Variants in CEP131 observed in about 807,000 individuals in gnomAD.
CEP131 encodes the protein centrosomal protein of 131 kDa.
A neutral mutation model predicts 136.8 loss-of-function variants in CEP131; 99 were observed. The observed-to-expected ratio is 0.72, with a 90% confidence interval of 0.62 to 0.86. The LOEUF is 0.86. Among genes scored for constraint, CEP131 ranks in the 40% least tolerant of loss-of-function variants. The pLI is 0.00. For synonymous variants in CEP131, 646 were observed against 612.7 expected (o/e 1.05, Z -0.80); for missense variants, 1,459 against 1,463.0 (o/e 1.00, Z 0.04).
intron 2 of CEP131, 92 bp from the exon 3 acceptor site, chr17:81,209,114 G>A (rs915775762): frequency 1.1e-6 from 1 of 937,356 alleles, no homozygotes; most frequent in Non-Finnish European, 1.6e-6. Context: ...CGCAGTCAGA[G>A]AACAGAGGGG....
rs1161100875 is a variant in CEP131, at chr17:81,208,644, A to G, written c.272+284T>C. On this transcript the variant is annotated intron_variant, in intron 3 of 25. Transcript: ENST00000450824. The surrounding 1 kb of genome is among the most constrained non-coding windows in gnomAD (Gnocchi z 5.6). ...TCAGAGGGCAGGTGGAAAGGGCTTC[A>G]GCGGAGCCCTCAGGCAGGGTCCCAG... is the stretch of plus-strand genomic sequence containing the variant. 5.3e-5 allele frequency among the ~76,000 whole-genome samples: 8 copies of G among 152,350 alleles called. No homozygotes were observed. Among genetic ancestry groups the G allele is most frequent in the Admixed American group, 2.0e-4 (3 of 15,310 alleles).
At chr17:81,210,559 A>T (rs972633018) in intron 2 of CEP131, among the ~76,000 whole-genome samples, 2 of 151,360 alleles carry the variant, frequency 1.3e-5, no homozygotes, top group African/African-American at 4.8e-5. Flanking sequence ...ACAGAGCGAG[A>T]CTCCGTCAAA....
intron 7 of CEP131, among the ~76,000 whole-genome samples, chr17:81,201,382 C>A (rs1387005971): frequency 1.3e-5 from 2 of 152,334 alleles, no homozygotes; most frequent in East Asian, 3.9e-4. Context: ...CAAGAAACGA[C>A]TGTCATGGTC....
chr17:81,205,195 G>C (rs2061976895), intron 5 of CEP131, among the ~76,000 whole-genome samples: 1 of 150,708 alleles, frequency 6.6e-6, no homozygotes, highest in Admixed American at 6.6e-5. Flanking sequence ...GGAAGCGGAG[G>C]TTGCGGTGAG....
At chr17:81,205,238 G>A (rs990031841) in intron 5 of CEP131, among the ~76,000 whole-genome samples, 47 of 151,704 alleles carry the variant, frequency 3.1e-4, no homozygotes, top group African/African-American at 7.5e-4. Context: ...TGGCTTGGGC[G>A]ACAGAGCGAG....
Position 81,207,136 on chromosome 17 carries a change from A to C in CEP131, c.376T>G (p.Trp126Gly). ...STAPSEKGAT[W>G]NVLDDQPRGF... ...ATGCACCACCTTACCAGGACGTTCC[A>C]GGTGGCTCCCTTCTCGCTGGGGGCT... Residue 126 changes from tryptophan to glycine, a missense_variant, in exon 4 of 26, where the codon TGG (tryptophan) becomes GGG (glycine). Trp to Gly is a radical substitution (Grantham distance 184). Transcript: ENST00000450824. The C allele has an allele frequency of 6.2e-7, 1 of 1,612,736 alleles. No individual in the cohort carries two copies. The highest frequency in any genetic ancestry group is 8.5e-7 in the Non-Finnish European group (1 of 1,179,656).
intron 17 of CEP131, 76 bp from the exon 18 acceptor site, chr17:81,194,203 C>A: frequency 7.3e-7 from 1 of 1,364,526 alleles, no homozygotes; most frequent in Non-Finnish European, 9.7e-7. Context: ...ACAAGACCAG[C>A]CTGTCTCAGG....
At chr17:81,210,676 C>G (rs184571730) in intron 2 of CEP131, among the ~76,000 whole-genome samples, 114 of 152,260 alleles carry the variant, frequency 7.5e-4, no homozygotes, top group Admixed American at 6.8e-3. Context: ...GATGCCACGG[C>G]GACCAGTGAT....
chr17:81,194,252 C>A, intron 17 of CEP131, 125 bp from the exon 18 acceptor site: 2 of 884,264 alleles, frequency 2.3e-6, no homozygotes, highest in Non-Finnish European at 1.6e-6. Flanking sequence ...CTCCTTGGAT[C>A]CAACCCGAAG....
intron 21 of CEP131, among the ~76,000 whole-genome samples, chr17:81,191,764 G>A (rs547776210): frequency 1.6e-3 from 239 of 152,302 alleles, no homozygotes; most frequent in African/African-American, 5.5e-3. Context: ...GGGCTACGTC[G>A]GGAGCATGCT....
intron 17 of CEP131, 103 bp downstream of exon 17, chr17:81,194,767 G>T: frequency 1.0e-6 from 1 of 968,152 alleles, no homozygotes; most frequent in Non-Finnish European, 1.7e-6. Context: ...GCCCAGGAAG[G>T]TCTCGGACTA....
intron 8 of CEP131, chr17:81,200,074 A>T (rs2061856116): frequency 1.6e-6 from 1 of 608,924 alleles, no homozygotes; most frequent in African/African-American, 1.9e-5. Flanking sequence ...CTGCCCCCAC[A>T]GAACGTCCTC....
At chr17:81,191,129 C>A in intron 22 of CEP131, 45 bp from the exon 23 acceptor site, 1 of 1,603,728 alleles carries the variant, frequency 6.2e-7, no homozygotes, top group Non-Finnish European at 8.5e-7. Flanking sequence ...CAGTCACACA[C>A]GGGTCCTTGC....
chr17:81,197,142 T>G (rs2061777471), intron 13 of CEP131, 87 bp from the exon 14 acceptor site: 5 of 1,478,490 alleles, frequency 3.4e-6, no homozygotes, highest in Non-Finnish European at 4.5e-6. Flanking sequence ...GGCCCTGCCC[T>G]CTGGGGACAG....
chr17:81,198,222 C>T lies in CEP131; in HGVS notation c.1363G>A (p.Gly455Arg). 1 of 1,599,964 alleles carries T rather than the reference C, an allele frequency of 6.3e-7. No individual in the cohort carries two copies. Among genetic ancestry groups the T allele is most frequent in the Non-Finnish European group, 8.5e-7 (1 of 1,173,428 alleles). Reference sequence around the variant, plus strand: ...GTGTGCAGCAGCTCCTCCAGTGGCCCCCTGGACTTGGCGCTCCCCCTGCTC... The same window carrying T: ...GTGTGCAGCAGCTCCTCCAGTGGCCTCCTGGACTTGGCGCTCCCCCTGCTC... Reference protein sequence around the residue: ...APSRGSAKSRGPLEELLHTLQ... With the variant: ...APSRGSAKSRRPLEELLHTLQ... The change falls in exon 12 of 26, where the codon GGG (glycine) becomes AGG (arginine). Residue 455 changes from glycine (G) to arginine (R), a missense_variant. Physicochemically the swap from Gly to Arg is moderately radical, Grantham distance 125 (BLOSUM62 -2). Transcript: ENST00000450824.
Position 81,208,912 on chromosome 17 carries a change from G to C in CEP131, c.272+16C>G. ...CCGGGAAGGGGCCAGGGTTATCCAAGGGCCTTAGGGGTTACCTGGGGGAGC... is the reference window on the plus strand; with the variant it reads ...CCGGGAAGGGGCCAGGGTTATCCAACGGCCTTAGGGGTTACCTGGGGGAGC... On this transcript the variant is annotated intron_variant, in intron 3 of 25. Transcript: ENST00000450824. This position sits in a 1 kb window ranked among gnomAD's most constrained non-coding sequence, Gnocchi z 5.6. 6.2e-7 allele frequency: 1 copy of C among 1,607,356 alleles called. No individual in the cohort carries two copies. Among genetic ancestry groups the C allele is most frequent in the Non-Finnish European group, 8.5e-7 (1 of 1,174,962 alleles).
chr17:81,192,870 G>T, intron 18 of CEP131, 27 bp from the exon 19 acceptor site: 1 of 1,588,260 alleles, frequency 6.3e-7, no homozygotes. Context: ...ACTGGCTCTC[G>T]GGGGCCGGGA....
chr17:81,214,113 A>AT (rs151228255), intron 2 of CEP131, among the ~76,000 whole-genome samples: 6,521 of 152,314 alleles, frequency 0.043, 218 homozygotes, highest in African/African-American at 0.09. Flanking sequence ...TTAGTCAGTG[A>AT]TTTACCAATA....
chr17:81,207,075 C>T (rs746778724), intron 4 of CEP131, 50 bp downstream of exon 4: 29 of 1,576,296 alleles, frequency 1.8e-5, no homozygotes, highest in Non-Finnish European at 2.2e-5. Flanking sequence ...GGAACCAGGC[C>T]ACAATCCCAT....
Sources: gnomAD v4.1 joint callset for allele counts (sites outside exome capture counted in the v4.1 genomes callset) on GRCh38, gnomAD v4.1.1 for gene constraint, Gnocchi (gnomAD v3.1) non-coding constraint, MANE v1.5 for transcripts, NCBI Gene and HGNC (gene_info 2026-07-23, HGNC 2026-07-21) for gene names.